Variants in ZSCAN23 observed in about 807,000 individuals in gnomAD.
ZSCAN23 encodes the protein zinc finger and SCAN domain containing 23, also known as zinc finger and SCAN domain-containing protein 23.
In ZSCAN23, 19 loss-of-function variants were observed where a neutral mutation model predicts 19.3. The ratio of observed to expected loss-of-function variants is 0.99; its 90% CI spans 0.69 to 1.45. The LOEUF (loss-of-function observed/expected upper bound fraction) is 1.45, where lower values mean the gene tolerates loss of function less well. Ranked by LOEUF, ZSCAN23 falls within the 40% of genes most tolerant of loss-of-function variation. The probability of loss-of-function intolerance (pLI) is 0.00; values close to 1 mark genes in which losing one functional copy is unlikely to be tolerated. For synonymous variants in ZSCAN23, 140 were observed against 166.2 expected (o/e 0.84, Z 1.21); for missense variants, 372 against 462.5 (o/e 0.80, Z 1.79).
chr6:28,434,375 A>T lies in ZSCAN23; in HGVS notation c.*90T>A. On this transcript the variant is annotated 3_prime_UTR_variant, in exon 4 of 4. Transcript: ENST00000289788. Reference sequence around the variant, plus strand: ...CTTCTCTCTGCATAAAAGTAAGGGAATTTTTACTGGCTTTCCCTTGAACTT... The same window carrying T: ...CTTCTCTCTGCATAAAAGTAAGGGATTTTTTACTGGCTTTCCCTTGAACTT... The T allele has an allele frequency of 7.1e-7, 1 of 1,414,844 alleles. No individual in the cohort carries two copies. Among genetic ancestry groups the T allele is most frequent in the Non-Finnish European group, 9.4e-7 (1 of 1,069,370 alleles). The allele number at this position is 1,414,844 out of a possible 1,614,324, so 87.6% of individuals were successfully genotyped here.
rs1435254237 is a variant in ZSCAN23, at chr6:28,434,889, T to A, written c.746A>T (p.Tyr249Phe). Residue 249 changes from tyrosine to phenylalanine, a missense_variant, in exon 4 of 4, where the codon TAT becomes TTT. By Grantham distance (22) the Tyr-to-Phe change is conservative. Coordinates refer to ENST00000289788, the MANE Select transcript of ZSCAN23 (RefSeq NM_001012455.2). ...QRVSSSVERPYICSECGKSFT... is the reference protein window; with the variant it reads ...QRVSSSVERPFICSECGKSFT... Reference sequence around the variant, plus strand: ...GCTTTTTCCACATTCACTACAGATATAGGGTCTCTCCACTGAAGAGCTCAC... The same window carrying A: ...GCTTTTTCCACATTCACTACAGATAAAGGGTCTCTCCACTGAAGAGCTCAC... The A allele has an allele frequency of 6.4e-7, 1 of 1,555,478 alleles. No individual in the cohort carries two copies. Among genetic ancestry groups the A allele is most frequent in the Non-Finnish European group, 8.7e-7 (1 of 1,149,222 alleles).
chr6:28,443,187 A>G (rs1188448800), intron 1 of ZSCAN23, among the ~76,000 whole-genome samples: 1 of 152,210 alleles, frequency 6.6e-6, no homozygotes, highest in Non-Finnish European at 1.5e-5. Flanking sequence ...AGGAACAGAC[A>G]TAGGGTGGGG....
intron 1 of ZSCAN23, among the ~76,000 whole-genome samples, chr6:28,437,497 C>T (rs1179796971): frequency 1.3e-5 from 2 of 152,052 alleles, no homozygotes; most frequent in East Asian, 1.9e-4. Context: ...GCTGGAGAAT[C>T]GCTTGAACCC....
rs762850450 is a variant in ZSCAN23, at chr6:28,434,888, A to T, written c.747T>A (p.Tyr249Ter). 34 of 1,555,664 alleles carry T rather than the reference A, an allele frequency of 2.2e-5. No homozygotes were observed. The highest frequency in any genetic ancestry group is 2.9e-5 in the Non-Finnish European group (33 of 1,149,406). The change falls in exon 4 of 4, where the codon TAT (tyrosine) becomes TAA (stop). Residue 249 changes from tyrosine to a stop codon, truncating the protein, a stop_gained. Coordinates refer to ENST00000289788, the MANE Select transcript of ZSCAN23 (RefSeq NM_001012455.2). LOFTEE classifies it low-confidence loss of function (END_TRUNC). ...AGCTTTTTCCACATTCACTACAGAT[A>T]TAGGGTCTCTCCACTGAAGAGCTCA... ...QRVSSSVERP[Y>*]ICSECGKSFT...
At chr6:28,440,159 A>T (rs1489788787) in intron 1 of ZSCAN23, among the ~76,000 whole-genome samples, 1 of 152,236 alleles carries the variant, frequency 6.6e-6, no homozygotes, top group East Asian at 1.9e-4. Flanking sequence ...AAATTTTTGC[A>T]GGTGGGAACA....
rs1761823060 is a variant in ZSCAN23 at position 28,434,317 on chromosome 6, A to G, written c.*148T>C. The G allele has an allele frequency of 2.2e-6, 2 of 914,380 alleles. No individual in the cohort carries two copies. The highest frequency in any genetic ancestry group is 3.2e-6 in the Non-Finnish European group (2 of 628,478). 56.6% of individuals were successfully genotyped at this position (914,380 alleles called of 1,614,324 possible). A position where few individuals can be genotyped will look rare whatever the true frequency, so the allele number is the denominator to read the frequency against. ...TGCAAAGCTGTGGATGTCACTGATC[A>G]GAGAACTCGGCAGATGTATTTAAGA... On this transcript the variant is annotated 3_prime_UTR_variant, in exon 4 of 4. Transcript: ENST00000289788.
intron 1 of ZSCAN23, among the ~76,000 whole-genome samples, chr6:28,437,582 CA>C (rs920975215): frequency 1.3e-5 from 2 of 151,356 alleles, no homozygotes; most frequent in African/African-American, 4.9e-5. Flanking sequence ...GACTCTGTCT[CA>C]AAAAAACAAA....
downstream of ZSCAN23, chr6:28,432,542 G>A (rs1187611300): frequency 1.3e-5 from 2 of 152,262 alleles, no homozygotes; most frequent in East Asian, 3.9e-4. Flanking sequence ...GAAGAATTAT[G>A]TGCAATTCTG....
chr6:28,436,066 T>C lies in ZSCAN23; in HGVS notation c.201A>G (p.Gln67=), dbSNP rs1356376179. Residue 67 remains glutamine (Q), a synonymous_variant, in exon 2 of 4, where the codon CAA becomes CAG. Coordinates refer to ENST00000289788, the MANE Select transcript of ZSCAN23 (RefSeq NM_001012455.2). The part of the protein sequence containing the change: ...QESPGPREAL[Q]RLQELCHQWL... ...ACTGATGGCAGAGCTCCTGGAGTCT[T>C]TGAAGAGCCTCCCGGGGCCCAGGGG... The C allele has an allele frequency of 1.9e-6, 3 of 1,614,188 alleles. No homozygotes were observed. Among genetic ancestry groups the C allele is most frequent in the Admixed American group, 1.7e-5 (1 of 60,016 alleles).
Position 28,434,542 on chromosome 6 carries a change from C to A in ZSCAN23, c.1093G>T (p.Glu365Ter). ...HTGERPYECE[E>*]CGKNFIYHCN... ...TGGTAAATGAAGTTCTTGCCACATT[C>A]TTCACATTCATAAGGTCTCTCTCCA... is the stretch of plus-strand genomic sequence containing the variant. Residue 365 changes from glutamate (E) to a stop codon, truncating the protein, a stop_gained, in exon 4 of 4, where the codon GAA becomes TAA. Coordinates refer to ENST00000289788, the MANE Select transcript of ZSCAN23 (RefSeq NM_001012455.2). LOFTEE classifies it high-confidence loss of function. 6.4e-7 allele frequency: 1 copy of A among 1,553,316 alleles called. No individual in the cohort carries two copies. The highest frequency in any genetic ancestry group is 8.7e-7 in the Non-Finnish European group (1 of 1,147,884).
chr6:28,437,343 A>G (rs2114036708), intron 1 of ZSCAN23, among the ~76,000 whole-genome samples: 1 of 152,342 alleles, frequency 6.6e-6, no homozygotes, highest in African/African-American at 2.4e-5. Flanking sequence ...CTGCTAATAA[A>G]AAGACAAATG....
downstream of ZSCAN23, among the ~76,000 whole-genome samples, chr6:28,429,427 C>T (rs1472209602): frequency 6.6e-6 from 1 of 152,164 alleles, no homozygotes; most frequent in Non-Finnish European, 1.5e-5. Flanking sequence ...TCTTTAAGTA[C>T]TAAGCCTTTA....
downstream of ZSCAN23, among the ~76,000 whole-genome samples, chr6:28,427,807 C>T (rs564053745): frequency 1.7e-3 from 255 of 152,246 alleles, 1 homozygote; most frequent in South Asian, 9.9e-3. Context: ...CAGCTGGGCA[C>T]GGTGGCTCCA....
chr6:28,430,842 G>A (rs765282986), downstream of ZSCAN23, among the ~76,000 whole-genome samples: 23 of 152,116 alleles, frequency 1.5e-4, no homozygotes, highest in Non-Finnish European at 2.9e-4. Flanking sequence ...TACAATATCT[G>A]CCCCCTTCCC....
Position 28,433,662 on chromosome 6 carries a change from T to C in ZSCAN23, c.*803A>G, listed in dbSNP as rs1761807763. On this transcript the variant is annotated 3_prime_UTR_variant, in exon 4 of 4. Coordinates refer to ENST00000289788, the MANE Select transcript of ZSCAN23 (RefSeq NM_001012455.2). The stretch of plus-strand genomic sequence containing the variant: ...TGAAAGAGTGATCATACTCTTCTCT[T>C]CAATCTTGAATATGTTTCAAATTTT... 6.6e-6 allele frequency: 1 copy of C among 152,110 alleles called. No homozygotes were observed. The highest frequency in any genetic ancestry group is 6.5e-5 in the Admixed American group (1 of 15,272). 9.4% of individuals were successfully genotyped at this position (152,110 alleles called of 1,614,324 possible).
chr6:28,438,714 G>A (rs1450217274), intron 1 of ZSCAN23, among the ~76,000 whole-genome samples: 1 of 152,144 alleles, frequency 6.6e-6, no homozygotes, highest in Non-Finnish European at 1.5e-5. Context: ...ATAGCATGAA[G>A]GTACCTGCCC....
chr6:28,430,042 G>C (rs1761729724), downstream of ZSCAN23, among the ~76,000 whole-genome samples: 2 of 152,200 alleles, frequency 1.3e-5, no homozygotes, highest in Admixed American at 1.3e-4. Flanking sequence ...CCTCAAAAAG[G>C]CTGAGGCCGA....
At chr6:28,423,310 C>A in the ZSCAN23 span, among the ~76,000 whole-genome samples, 2 of 152,202 alleles carry the variant, frequency 1.3e-5, no homozygotes, top group South Asian at 4.1e-4. Flanking sequence ...TCTCTAACTA[C>A]GCTAGAGAAG....
chr6:28,435,476 G>A lies in ZSCAN23; in HGVS notation c.540C>T (p.Cys180=), dbSNP rs1430684269. The A allele has an allele frequency of 7.7e-6, 12 of 1,551,818 alleles. No individual in the cohort carries two copies. In the East Asian group the frequency reaches 2.9e-4, roughly 38 times the overall value. ...GATCCTCACCAATCTCTTGAACTGG[G>A]CACACCTCTCGCAAATTATACCCAA... ...EQLGYNLREV[C]PVQEIDGKAG... The change falls in exon 3 of 4, where the codon TGC becomes TGT. Residue 180 remains cysteine, a synonymous_variant. Coordinates refer to ENST00000289788, the MANE Select transcript of ZSCAN23 (RefSeq NM_001012455.2).
Sources: gnomAD v4.1 joint callset for allele counts (sites outside exome capture counted in the v4.1 genomes callset) on GRCh38, gnomAD v4.1.1 for gene constraint, MANE v1.5 for transcripts, NCBI Gene and HGNC (gene_info 2026-07-23, HGNC 2026-07-21) for gene names.